Variants in MTA3 observed in about 807,000 individuals in gnomAD.
MTA3 encodes the protein metastasis-associated protein MTA3.
MTA3 carries 34 observed loss-of-function variants against 83.5 expected under a neutral mutation model. The ratio of observed to expected loss-of-function variants is 0.41; its 90% CI spans 0.31 to 0.54. MTA3 has a LOEUF of 0.54. Ranked by LOEUF, MTA3 falls within the 20% of genes least tolerant of loss-of-function variation. MTA3 has a pLI of 0.33. For synonymous variants in MTA3, 303 were observed against 252.7 expected (o/e 1.20, Z -1.89); for missense variants, 761 against 726.4 (o/e 1.05, Z -0.55).
At chr2:42,668,598 T>C (rs1253672960) in intron 8 of MTA3, among the ~76,000 whole-genome samples, 2 of 152,230 alleles carry the variant, frequency 1.3e-5, no homozygotes, top group Non-Finnish European at 2.9e-5. Context: ...GGTGCATTTG[T>C]CTTTTTCACC....
At chr2:42,667,821 T>C (rs561230298) in intron 8 of MTA3, among the ~76,000 whole-genome samples, 1 of 152,268 alleles carries the variant, frequency 6.6e-6, no homozygotes. Context: ...TGCTAAGTAA[T>C]AATACATTGT....
chr2:42,527,052 C>CAAAAAAAAA, intron 2 of MTA3, among the ~76,000 whole-genome samples: 1 of 45,334 alleles, frequency 2.2e-5, no homozygotes, highest in Non-Finnish European at 4.0e-5. Flanking sequence ...GACTCTGTCT[C>CAAAAAAAAA]AAAAAAAAAA....
intron 14 of MTA3, among the ~76,000 whole-genome samples, chr2:42,717,014 A>G (rs1667075382): frequency 6.6e-6 from 1 of 151,768 alleles, no homozygotes. Flanking sequence ...TGACTTAATG[A>G]TAGCAATTCT....
At chr2:42,539,858 C>T (rs1048314165) in intron 2 of MTA3, among the ~76,000 whole-genome samples, 16 of 152,176 alleles carry the variant, frequency 1.1e-4, no homozygotes, top group Admixed American at 3.9e-4. Flanking sequence ...TAGGCATGAG[C>T]CACCACTCCT....
rs143219977 is a variant in MTA3 at position 42,558,045 on chromosome 2, G to A, written c.-140-12392G>A. On this transcript the variant is annotated intron_variant, in intron 2 of 17. Transcript: ENST00000405592. Reference sequence around the variant, plus strand: ...TGGCCACCACTTTGCCAAATCCAGTGTTGATTTATTATTACTCTTGCTCCA... The same window carrying A: ...TGGCCACCACTTTGCCAAATCCAGTATTGATTTATTATTACTCTTGCTCCA... Among the ~76,000 whole-genome samples the A allele has an allele frequency of 1.6e-3, 247 of 152,230 alleles. 3 individuals carry two copies. Among genetic ancestry groups the A allele is most frequent in the African/African-American group, 5.1e-3 (212 of 41,540 alleles).
chr2:42,684,696 G>C (rs963627097), intron 9 of MTA3, among the ~76,000 whole-genome samples: 2 of 152,190 alleles, frequency 1.3e-5, no homozygotes, highest in African/African-American at 4.8e-5. Flanking sequence ...ATCTGATAAA[G>C]GAGTAGGAGT....
chr2:42,579,118 C>T lies in MTA3; in HGVS notation c.108C>T (p.Gly36=), dbSNP rs1335555874. The part of the protein sequence containing the change: ...RIEELNKTAS[G]NVEAKVVCFY... ...TTCTTATCTCTTAGACTGCAAGTGG[C>T]AACGTGGAAGCAAAAGTAGTATGCT... The change falls in exon 3 of 17, where the codon GGC becomes GGT. Residue 36 remains glycine (G), a synonymous_variant. Transcript: ENST00000405094. The T allele has an allele frequency of 3.1e-6, 5 of 1,603,938 alleles. No individual in the cohort carries two copies. Among genetic ancestry groups the T allele is most frequent in the Non-Finnish European group, 4.3e-6 (5 of 1,175,468 alleles).
intron 2 of MTA3, among the ~76,000 whole-genome samples, chr2:42,546,671 A>T (rs1676772303): frequency 6.6e-6 from 1 of 152,184 alleles, no homozygotes; most frequent in African/African-American, 2.4e-5. Flanking sequence ...AAAGAACTGA[A>T]AAAAATTACT....
chr2:42,616,572 CTTTTTTTT>C (rs70963338), intron 4 of MTA3, among the ~76,000 whole-genome samples: 3 of 56,212 alleles, frequency 5.3e-5, no homozygotes, highest in African/African-American at 7.4e-5. Context: ...TCTTCTTCTT[CTTTTTTTT>C]TTTTTTTTTT....
intron 3 of MTA3, among the ~76,000 whole-genome samples, chr2:42,594,893 ATTATTTATTTAT>A (rs72176773): frequency 2.1e-4 from 27 of 131,374 alleles, no homozygotes; most frequent in Non-Finnish European, 1.9e-4. Context: ...CGCCTGGCTA[ATTATTTATTTAT>A]TTATTTATTT....
chr2:42,709,412 CT>C, intron 14 of MTA3: 2 of 656,836 alleles, frequency 3.0e-6, no homozygotes, highest in South Asian at 2.4e-5. Flanking sequence ...TATTGAAGCA[CT>C]TTTACCTTTT....
intron 14 of MTA3, chr2:42,709,322 G>T (rs1175608498): frequency 2.7e-5 from 37 of 1,354,894 alleles, no homozygotes; most frequent in Admixed American, 6.7e-5. Flanking sequence ...CTCTTTACCA[G>T]AGAGTAGTGC....
chr2:42,501,387 C>A (rs1249770172), intron 2 of MTA3, among the ~76,000 whole-genome samples: 1 of 152,110 alleles, frequency 6.6e-6, no homozygotes, highest in East Asian at 1.9e-4. Flanking sequence ...ATGTCTGATT[C>A]TTCTCAATTG....
chr2:42,564,808 G>T (rs867633128), upstream of MTA3, among the ~76,000 whole-genome samples: 1 of 151,992 alleles, frequency 6.6e-6, no homozygotes, highest in African/African-American at 2.4e-5. Flanking sequence ...ATGAAGTCTC[G>T]TTCTGTTGCC....
At chr2:42,506,840 C>T (rs1674654024) in intron 2 of MTA3, among the ~76,000 whole-genome samples, 2 of 151,944 alleles carry the variant, frequency 1.3e-5, no homozygotes, top group Non-Finnish European at 2.9e-5. Context: ...CTCCTGACCT[C>T]AGGTGATCCG....
At chr2:42,525,530 C>CTTCCCCTTCCTTCA (rs1351562831) in intron 2 of MTA3, among the ~76,000 whole-genome samples, 2 of 148,600 alleles carry the variant, frequency 1.3e-5, no homozygotes, top group Non-Finnish European at 3.0e-5. Flanking sequence ...CCCTTCCTTC[C>CTTCCCCTTCCTTCA]TTCCCCTTCC....
chr2:42,643,126 G>C (rs758739968), intron 5 of MTA3, among the ~76,000 whole-genome samples: 3 of 145,240 alleles, frequency 2.1e-5, no homozygotes, highest in Non-Finnish European at 4.5e-5. Flanking sequence ...GAATTTCTCA[G>C]TGGTTGGAAT....
At chr2:42,672,306 A>T (rs541070319) in intron 8 of MTA3, among the ~76,000 whole-genome samples, 84 of 151,112 alleles carry the variant, frequency 5.6e-4, no homozygotes, top group African/African-American at 1.7e-3. Context: ...GGAGTTTGAG[A>T]CCAGCCTGAG....
At chr2:42,682,339 C>G in intron 8 of MTA3, 62 bp from the exon 9 acceptor site, 3 of 1,258,006 alleles carry the variant, frequency 2.4e-6, no homozygotes, top group Non-Finnish European at 3.2e-6. Flanking sequence ...TGTTTATATT[C>G]TTACATAATG....
Sources: allele counts gnomAD v4.1 joint callset (sites outside exome capture counted in the v4.1 genomes callset), GRCh38; gene constraint gnomAD v4.1.1; transcripts MANE v1.5; gene names NCBI Gene and HGNC (gene_info 2026-07-23, HGNC 2026-07-21).